The following PDK3 variants were observed in gnomAD, a reference collection of about 807,000 sequenced individuals.
PDK3 encodes the protein pyruvate dehydrogenase kinase 3.
Under a neutral mutation model 32.0 loss-of-function variants are expected in PDK3, and 12 were observed. The ratio of observed to expected loss-of-function variants is 0.37; its 90% confidence interval spans 0.24 to 0.61. The LOEUF (loss-of-function observed/expected upper bound fraction) is 0.61, where lower values mean the gene tolerates loss of function less well. Among genes scored for constraint, PDK3 ranks in the 20% least tolerant of loss-of-function variants. The probability of loss-of-function intolerance (pLI) is 0.65; values close to 1 mark genes in which losing one functional copy is unlikely to be tolerated. For missense variants in PDK3, 188 were observed against 316.9 expected (o/e 0.59, Z 3.09); for synonymous variants, 122 against 116.3 (o/e 1.05, Z -0.31).
At chrX:24,540,889 CTTTTTTTTTTTTTTTTTTT>C (rs369307335) in exon 12 of PDK3, among the ~76,000 whole-genome samples, 83 of 36,673 alleles carry the variant, frequency 2.3e-3, no homozygotes, top group African/African-American at 0.013. Context: ...CCCTAGCTTC[CTTTTTTTTTTTTTTTTTTT>C]TTTTTTTTTT....
At chrX:24,512,062 C>T (rs1180662024) in intron 5 of PDK3, among the ~76,000 whole-genome samples, 3 of 111,259 alleles carry the variant, frequency 2.7e-5, no homozygotes, top group Non-Finnish European at 3.8e-5. Context: ...AAACATGCCT[C>T]CTTGCTGCTT....
intron 1 of PDK3, among the ~76,000 whole-genome samples, chrX:24,491,358 G>A (rs1290894419): frequency 9.0e-6 from 1 of 110,690 alleles, no homozygotes; most frequent in Admixed American, 9.7e-5. Flanking sequence ...ATTCAAGAGG[G>A]ACCACTACAG....
chrX:24,527,122 T>C (rs1446467208), intron 7 of PDK3, among the ~76,000 whole-genome samples: 4 of 111,625 alleles, frequency 3.6e-5, no homozygotes, highest in Non-Finnish European at 5.6e-5. Flanking sequence ...TTAATTTTTG[T>C]GGGAAGCATG....
At chrX:24,523,046 A>G (rs1165642536) in intron 6 of PDK3, among the ~76,000 whole-genome samples, 1 of 112,132 alleles carries the variant, frequency 8.9e-6, no homozygotes, top group Admixed American at 9.4e-5. Flanking sequence ...CAAAAATACC[A>G]GAGACCAAGT....
At chrX:24,474,661 G>T (rs957966534) in intron 1 of PDK3, among the ~76,000 whole-genome samples, 1 of 110,671 alleles carries the variant, frequency 9.0e-6, no homozygotes, top group African/African-American at 3.3e-5. Context: ...TGATCCACCC[G>T]CCTCTGCCTC....
intron 1 of PDK3, among the ~76,000 whole-genome samples, chrX:24,485,114 C>T (rs1422419184): frequency 8.9e-6 from 1 of 111,813 alleles, no homozygotes; most frequent in Non-Finnish European, 1.9e-5. Flanking sequence ...TTGAGAGGCT[C>T]AGGCTGGTGG....
intron 1 of PDK3, among the ~76,000 whole-genome samples, chrX:24,465,920 AT>A (rs1273886196): frequency 8.9e-4 from 93 of 105,024 alleles, no homozygotes; most frequent in Middle Eastern, 4.9e-3. Flanking sequence ...TATTTTTAGA[AT>A]TTTTTTTTTT....
chrX:24,521,600 T>C (rs755831021), intron 6 of PDK3, among the ~76,000 whole-genome samples: 1 of 111,457 alleles, frequency 9.0e-6, no homozygotes, highest in Non-Finnish European at 1.9e-5. Flanking sequence ...CATCTGCAGG[T>C]AGTAACAAAT....
In PDK3 at chrX:24,531,373, T is replaced by C. The variant is rs6628018; in HGVS notation, c.964-284T>C. ...CTGTGCCCGGCCTTGGAATGTGCTT[T>C]TAAAAAAATGATAAAATTTTGCTTT... On this transcript the variant is annotated intron_variant, in intron 9 of 10. Transcript: ENST00000379162. 0.048 allele frequency among the ~76,000 whole-genome samples: 5,396 copies of C among 112,101 alleles called. 169 individuals carry two copies. The highest frequency in any genetic ancestry group is 0.31 in the South Asian group (817 of 2,677).
At chrX:24,465,593 C>A in intron 1 of PDK3, 32 bp downstream of exon 1, 1 of 1,024,926 alleles carries the variant, frequency 9.8e-7, no homozygotes, top group Non-Finnish European at 1.3e-6. Flanking sequence ...CCCATGGGCC[C>A]GGGGCCGCCG....
chrX:24,547,591 G>A (rs893323297), exon 12 of PDK3: 5 of 112,230 alleles, frequency 4.5e-5, no homozygotes, highest in Admixed American at 3.8e-4. Flanking sequence ...ACATAGAGAC[G>A]TATTTTGGAT....
At chrX:24,535,484 G>A (rs185143844), downstream of PDK3, among the ~76,000 whole-genome samples, 28 of 91,254 alleles carry the variant, frequency 3.1e-4, 1 homozygote, top group African/African-American at 1.2e-3. Context: ...CAGCCTGGGC[G>A]ATAGAGCTAG....
intron 1 of PDK3, among the ~76,000 whole-genome samples, chrX:24,473,372 AAAAAC>A (rs1170058549): frequency 1.1e-4 from 12 of 110,049 alleles, no homozygotes; most frequent in African/African-American, 4.0e-4. Flanking sequence ...CTCCGTCTCA[AAAAAC>A]AAAACAAACA....
chrX:24,496,568 C>CTTTTTTTTTTTTTTTTTTTT (rs763095558), intron 2 of PDK3, among the ~76,000 whole-genome samples: 783 of 39,196 alleles, frequency 0.02, 76 homozygotes, highest in Non-Finnish European at 0.028. Flanking sequence ...CTACCCCCAT[C>CTTTTTTTTTTTTTTTTTTTT]TTTTTTTTTT....
At chrX:24,533,618 T>G (rs935349189) in intron 10 of PDK3, among the ~76,000 whole-genome samples, 5 of 111,842 alleles carry the variant, frequency 4.5e-5, no homozygotes, top group African/African-American at 1.6e-4. Flanking sequence ...GGGCCCTTTG[T>G]GAGACCAGTC....
chrX:24,485,574 A>C (rs1921378390), intron 1 of PDK3, among the ~76,000 whole-genome samples: 1 of 111,038 alleles, frequency 9.0e-6, no homozygotes, highest in African/African-American at 3.3e-5. Context: ...GGGTGCCAAC[A>C]GGAGAATGAA....
chrX:24,518,822 T>C, intron 5 of PDK3, 111 bp from the exon 6 acceptor site: 1 of 422,492 alleles, frequency 2.4e-6, no homozygotes, highest in Admixed American at 4.6e-5. Context: ...CCTATAGATA[T>C]ATACATGCAC....
intron 6 of PDK3, among the ~76,000 whole-genome samples, chrX:24,519,515 G>A (rs780527166): frequency 9.2e-6 from 1 of 108,623 alleles, no homozygotes; most frequent in Non-Finnish European, 1.9e-5. Flanking sequence ...GATTACAGGT[G>A]CCCCCCACCA....
intron 5 of PDK3, among the ~76,000 whole-genome samples, chrX:24,512,904 C>T (rs1922160439): frequency 9.0e-6 from 1 of 111,615 alleles, no homozygotes; most frequent in South Asian, 3.8e-4. Context: ...TACTGGACGA[C>T]TCAGTGGCAG....
Sources: gnomAD v4.1 joint callset for allele counts (sites outside exome capture counted in the v4.1 genomes callset) on GRCh38, gnomAD v4.1.1 for gene constraint, MANE v1.5 for transcripts, NCBI Gene and HGNC (gene_info 2026-07-23, HGNC 2026-07-21) for gene names.